Variants in SHTN1 observed in about 807,000 individuals in gnomAD.
The protein encoded by SHTN1 is shootin 1.
In SHTN1, 42 loss-of-function variants were observed where a neutral mutation model predicts 83.1. That is an observed-to-expected ratio of 0.51 (90% CI 0.39 to 0.65). The LOEUF (loss-of-function observed/expected upper bound fraction) is 0.65, where lower values mean the gene tolerates loss of function less well. SHTN1 is among the 30% of genes least tolerant of loss of function. The pLI, the probability that SHTN1 is intolerant of heterozygous loss-of-function variation, is 0.00. For synonymous variants in SHTN1, 224 were observed against 247.7 expected, an observed-to-expected ratio of 0.90 and a Z score of 0.90; for missense variants, 622 against 737.8, an observed-to-expected ratio of 0.84 and a Z score of 1.82.
intron 2 of SHTN1, among the ~76,000 whole-genome samples, chr10:117,010,978 G>C (rs1170474024): frequency 6.6e-6 from 1 of 152,202 alleles, no homozygotes; most frequent in African/African-American, 2.4e-5. Context: ...GGTCAATGGT[G>C]AAAGACTGAA....
chr10:117,006,144 A>T (rs1476225976), upstream of SHTN1, among the ~76,000 whole-genome samples: 1 of 152,190 alleles, frequency 6.6e-6, no homozygotes, highest in Non-Finnish European at 1.5e-5. Context: ...GAATAGGAAG[A>T]ATAGTGATAC....
At chr10:116,903,121 A>T (rs1481012965) in intron 15 of SHTN1, among the ~76,000 whole-genome samples, 2 of 152,062 alleles carry the variant, frequency 1.3e-5, no homozygotes, top group Non-Finnish European at 2.9e-5. Flanking sequence ...GTTACACAGG[A>T]CCTCTCTGTT....
chr10:116,991,190 AAG>A (rs1342036089), intron 1 of SHTN1, among the ~76,000 whole-genome samples: 1 of 149,466 alleles, frequency 6.7e-6, no homozygotes, highest in Non-Finnish European at 1.5e-5. Flanking sequence ...CGTCTCAAAA[AAG>A]AAAAAAAAAG....
rs564690488 is a variant in SHTN1, at chr10:116,949,500, A to G, written c.535-503T>C. 7.2e-4 allele frequency among the ~76,000 whole-genome samples: 109 copies of G among 152,212 alleles called. 2 individuals carry two copies. The South Asian group carries it at 0.022, about 30-fold the overall frequency. Reference sequence around the variant, plus strand: ...AAAATACAAGAATCATTTAGTCAAGATCCGATACTCAATTTTGGTATTCAT... The same window carrying G: ...AAAATACAAGAATCATTTAGTCAAGGTCCGATACTCAATTTTGGTATTCAT... On this transcript the variant is annotated intron_variant, in intron 6 of 16. Transcript: ENST00000355371.
At chr10:117,005,282 C>G, upstream of SHTN1, 1 of 1,431,568 alleles carries the variant, frequency 7.0e-7, no homozygotes, top group Non-Finnish European at 9.2e-7. Flanking sequence ...GGCCGCTTCA[C>G]CTGCAGGCGG....
chr10:116,993,443 T>G (rs886978030), intron 1 of SHTN1, among the ~76,000 whole-genome samples: 1 of 152,140 alleles, frequency 6.6e-6, no homozygotes, highest in African/African-American at 2.4e-5. Context: ...ACTCCAAAGA[T>G]ATAGAAACTA....
chr10:116,987,447 T>C lies in SHTN1; in HGVS notation c.59-8139A>G, dbSNP rs187565181. Among the ~76,000 whole-genome samples the C allele has an allele frequency of 3.0e-4, 45 of 152,114 alleles. No homozygotes were observed. In the East Asian group the frequency reaches 6.4e-3, roughly 22 times the overall value. ...GGTACATCCAGATAACGGAACAGTA[T>C]CCGGTGTTAAGAATTAGTTGGTGCT... On this transcript the variant is annotated intron_variant, in intron 1 of 16. Coordinates refer to ENST00000355371, the MANE Select transcript of SHTN1 (RefSeq NM_001127211.3).
chr10:117,043,734 C>T (rs1417614687), intron 2 of SHTN1, among the ~76,000 whole-genome samples: 3 of 151,986 alleles, frequency 2.0e-5, no homozygotes, highest in Non-Finnish European at 4.4e-5. Flanking sequence ...CCCAGCTATT[C>T]AGGAAGCTGA....
At chr10:116,910,568 C>G (rs186914537) in intron 14 of SHTN1, among the ~76,000 whole-genome samples, 1 of 152,216 alleles carries the variant, frequency 6.6e-6, no homozygotes, top group East Asian at 1.9e-4. Context: ...CTCATAGAGA[C>G]GTCTGATTTT....
chr10:116,934,776 C>T (rs576483307), intron 9 of SHTN1, among the ~76,000 whole-genome samples: 2 of 152,182 alleles, frequency 1.3e-5, no homozygotes, highest in East Asian at 1.9e-4. Context: ...GCCATTTTCA[C>T]GATATTGATT....
rs369024173 is a variant in SHTN1, at chr10:116,998,635, C to T, written c.58+6387G>A. 3.3e-5 allele frequency among the ~76,000 whole-genome samples: 5 copies of T among 152,270 alleles called. No individual in the cohort carries two copies. The East Asian group carries it at 9.7e-4, about 29-fold the overall frequency. Reference sequence around the variant, plus strand: ...ACCTACTGCAGGTGTTGAAACATAGCTTCCTCCATGGGTAAGCAGGGACTA... The same window carrying T: ...ACCTACTGCAGGTGTTGAAACATAGTTTCCTCCATGGGTAAGCAGGGACTA... On this transcript the variant is annotated intron_variant, in intron 1 of 16. Coordinates refer to ENST00000355371, the MANE Select transcript of SHTN1 (RefSeq NM_001127211.3).
At chr10:117,070,548 T>C (rs1050147103) in intron 1 of SHTN1, among the ~76,000 whole-genome samples, 3 of 151,856 alleles carry the variant, frequency 2.0e-5, no homozygotes, top group Admixed American at 6.6e-5. Context: ...TTCTAAGAGG[T>C]ATTTATATTT....
intron 6 of SHTN1, among the ~76,000 whole-genome samples, chr10:116,950,419 C>T (rs568740558): frequency 2.6e-5 from 4 of 152,276 alleles, no homozygotes; most frequent in South Asian, 2.1e-4. Context: ...CCTCCTGCCT[C>T]GGCCTCCCAA....
At chr10:117,022,871 T>C (rs977547323) in intron 2 of SHTN1, among the ~76,000 whole-genome samples, 10 of 152,142 alleles carry the variant, frequency 6.6e-5, no homozygotes, top group Non-Finnish European at 1.0e-4. Flanking sequence ...TGAGCCAAGA[T>C]TGCACTCCTG....
chr10:116,899,727 T>A (rs117092502), intron 16 of SHTN1, among the ~76,000 whole-genome samples: 1 of 152,150 alleles, frequency 6.6e-6, no homozygotes, highest in Non-Finnish European at 1.5e-5. Context: ...GCAAAGACAG[T>A]TTTTAAAAGC....
chr10:117,031,443 A>G (rs970041534), intron 2 of SHTN1, among the ~76,000 whole-genome samples: 1 of 152,226 alleles, frequency 6.6e-6, no homozygotes, highest in African/African-American at 2.4e-5. Flanking sequence ...ATAAGTACAC[A>G]GAAAAACAGA....
At chr10:116,927,392 T>G (rs1247826069) in intron 11 of SHTN1, among the ~76,000 whole-genome samples, 2 of 152,180 alleles carry the variant, frequency 1.3e-5, no homozygotes. Flanking sequence ...GAGGTTTAAT[T>G]GACTCACAGT....
rs1187524379 is a variant in SHTN1 at position 116,954,027 on chromosome 10, A to C, written c.436+15T>G. 1 of 1,596,936 alleles carries C rather than the reference A, an allele frequency of 6.3e-7. No homozygotes were observed. Among genetic ancestry groups the C allele is most frequent in the African/African-American group, 1.3e-5 (1 of 74,088 alleles). On this transcript the variant is annotated intron_variant, in intron 5 of 16. Transcript: ENST00000355371. The stretch of plus-strand genomic sequence containing the variant: ...GGGTAAAAAATATGCTCAATAATTA[A>C]GCAAAGAGTTCTACCTTTAATTTGC...
At chr10:117,044,970 G>T (rs1852640014) in intron 2 of SHTN1, among the ~76,000 whole-genome samples, 1 of 152,108 alleles carries the variant, frequency 6.6e-6, no homozygotes, top group Non-Finnish European at 1.5e-5. Flanking sequence ...TATATGCAGA[G>T]CAAGTATTTA....
Sources: gnomAD v4.1 joint callset for allele counts (sites outside exome capture counted in the v4.1 genomes callset) on GRCh38, gnomAD v4.1.1 for gene constraint, MANE v1.5 for transcripts, NCBI Gene and HGNC (gene_info 2026-07-23, HGNC 2026-07-21) for gene names.